The following BRINP3 variants were observed in gnomAD, a reference collection of about 807,000 sequenced individuals.
The protein encoded by BRINP3 is BMP/retinoic acid-inducible neural-specific protein 3.
A neutral mutation model predicts 71.0 loss-of-function variants in BRINP3; 19 were observed. The ratio of observed to expected loss-of-function variants is 0.27; its 90% CI spans 0.19 to 0.39. BRINP3 has a LOEUF of 0.39. Ranked by LOEUF, BRINP3 falls within the 10% of genes least tolerant of loss-of-function variation. The probability of loss-of-function intolerance (pLI) is 1.00; values close to 1 mark genes in which losing one functional copy is unlikely to be tolerated. For synonymous variants in BRINP3, 380 were observed against 337.7 expected (o/e 1.13, Z -1.37); for missense variants, 959 against 940.8 (o/e 1.02, Z -0.25).
intron 7 of BRINP3, among the ~76,000 whole-genome samples, chr1:190,104,375 C>T (rs1007988517): frequency 2.6e-5 from 4 of 152,038 alleles, no homozygotes; most frequent in Non-Finnish European, 4.4e-5. Flanking sequence ...GCAGGTAAAG[C>T]ATTTAAAAGA....
intron 3 of BRINP3, among the ~76,000 whole-genome samples, chr1:190,265,832 T>A (rs191468200): frequency 1.3e-5 from 2 of 152,192 alleles, no homozygotes; most frequent in Admixed American, 1.3e-4. Context: ...TCTGCACCTT[T>A]AAAATTCAGA....
At chr1:190,309,544 G>C (rs1205075819) in intron 2 of BRINP3, among the ~76,000 whole-genome samples, 1 of 151,692 alleles carries the variant, frequency 6.6e-6, no homozygotes, top group African/African-American at 2.4e-5. Flanking sequence ...ACTTTCTATA[G>C]TTCCAACAAA....
chr1:190,167,742 CTAAAGCA>C, intron 6 of BRINP3, among the ~76,000 whole-genome samples: 1 of 152,244 alleles, frequency 6.6e-6, no homozygotes, highest in South Asian at 2.1e-4. Context: ...TTAAAATAAT[CTAAAGCA>C]TAAACTTTTG....
At chr1:190,193,281 ATGATGT>A (rs2102581998) in intron 6 of BRINP3, among the ~76,000 whole-genome samples, 1 of 152,150 alleles carries the variant, frequency 6.6e-6, no homozygotes, top group East Asian at 1.9e-4. Context: ...AAAGAACAAG[ATGATGT>A]TTTAGAAGAG....
chr1:190,453,463 C>G (rs750094781), intron 2 of BRINP3, among the ~76,000 whole-genome samples: 3 of 151,428 alleles, frequency 2.0e-5, no homozygotes, highest in South Asian at 2.1e-4. Flanking sequence ...GTGATCCGCC[C>G]GTCTCTGCCT....
At chr1:190,340,155 G>T (rs545031178) in intron 2 of BRINP3, among the ~76,000 whole-genome samples, 170 of 151,996 alleles carry the variant, frequency 1.1e-3, no homozygotes, top group African/African-American at 3.1e-3. Context: ...GATAAGAAAA[G>T]CTTTCAATTC....
chr1:190,295,037 G>A (rs1209561339), intron 2 of BRINP3, among the ~76,000 whole-genome samples: 1 of 152,014 alleles, frequency 6.6e-6, no homozygotes, highest in African/African-American at 2.4e-5. Context: ...CAGGCCACCA[G>A]TAGCCTCTGC....
chr1:190,112,849 C>A (rs1248895356), intron 7 of BRINP3, among the ~76,000 whole-genome samples: 1 of 151,972 alleles, frequency 6.6e-6, no homozygotes, highest in Non-Finnish European at 1.5e-5. Flanking sequence ...ATTACATTCC[C>A]CAGGAAAGAA....
intron 2 of BRINP3, among the ~76,000 whole-genome samples, chr1:190,425,525 A>C (rs532332647): frequency 3.6e-4 from 55 of 151,926 alleles, no homozygotes; most frequent in African/African-American, 1.2e-3. Context: ...CACTTGTTTC[A>C]AAGAAGTGTG....
chr1:190,294,173 T>C (rs1420292934), intron 2 of BRINP3, among the ~76,000 whole-genome samples: 1 of 152,172 alleles, frequency 6.6e-6, no homozygotes, highest in African/African-American at 2.4e-5. Flanking sequence ...TAAGTTTTAC[T>C]TTTAGGGTAT....
At chr1:190,212,278 A>G (rs1266206508) in intron 6 of BRINP3, among the ~76,000 whole-genome samples, 1 of 152,100 alleles carries the variant, frequency 6.6e-6, no homozygotes, top group African/African-American at 2.4e-5. Context: ...CTGAATGACA[A>G]ATGAAGTAGC....
chr1:190,260,836 A>T (rs1661124107), intron 4 of BRINP3, among the ~76,000 whole-genome samples: 2 of 152,088 alleles, frequency 1.3e-5, no homozygotes. Context: ...AAGCTGAAAT[A>T]CTGACCTTCA....
chr1:190,427,883 C>A (rs1471401266), intron 2 of BRINP3, among the ~76,000 whole-genome samples: 1 of 126,118 alleles, frequency 7.9e-6, no homozygotes, highest in South Asian at 2.5e-4. Flanking sequence ...TTTTCATTTT[C>A]TCCTTCCTCC....
At chr1:190,410,684 A>C (rs1672605492) in intron 2 of BRINP3, among the ~76,000 whole-genome samples, 1 of 152,136 alleles carries the variant, frequency 6.6e-6, no homozygotes, top group Admixed American at 6.5e-5. Context: ...CTAATAAAAT[A>C]TGTTGTTTTA....
chr1:190,170,500 G>C (rs774937100), intron 6 of BRINP3, among the ~76,000 whole-genome samples: 9 of 152,074 alleles, frequency 5.9e-5, no homozygotes, highest in Non-Finnish European at 8.8e-5. Context: ...AAAGCAGTTA[G>C]AGCTTAGTCA....
intron 1 of BRINP3, among the ~76,000 whole-genome samples, chr1:190,457,963 A>G (rs534432364): frequency 6.6e-6 from 1 of 152,040 alleles, no homozygotes; most frequent in African/African-American, 2.4e-5. Flanking sequence ...GGCGTATAGC[A>G]TGATGTAATA....
intron 7 of BRINP3, among the ~76,000 whole-genome samples, chr1:190,139,046 C>A (rs1275653292): frequency 6.6e-6 from 1 of 151,892 alleles, no homozygotes; most frequent in African/African-American, 2.4e-5. Context: ...AATGACAGAC[C>A]AGAGTTGAAC....
intron 2 of BRINP3, among the ~76,000 whole-genome samples, chr1:190,316,775 C>A (rs1665909375): frequency 6.6e-6 from 1 of 152,060 alleles, no homozygotes; most frequent in African/African-American, 2.4e-5. Context: ...TTACATTAAA[C>A]TAGTTTTGAA....
intron 7 of BRINP3, among the ~76,000 whole-genome samples, chr1:190,148,337 G>A (rs1032717572): frequency 2.0e-5 from 3 of 151,720 alleles, no homozygotes; most frequent in Non-Finnish European, 4.4e-5. Flanking sequence ...TGGCTCACGC[G>A]TCATCCCAAC....
Sources: gnomAD v4.1 joint callset for allele counts (sites outside exome capture counted in the v4.1 genomes callset) on GRCh38, gnomAD v4.1.1 for gene constraint, MANE v1.5 for transcripts, NCBI Gene and HGNC (gene_info 2026-07-23, HGNC 2026-07-21) for gene names.